ZNF765: variants seen among roughly 807,000 people sequenced by gnomAD.
ZNF765 encodes zinc finger protein 765.
Under a neutral mutation model 44.7 loss-of-function variants are expected in ZNF765, and 37 were observed. That is an observed-to-expected ratio of 0.83 (90% CI 0.64 to 1.09). ZNF765 has a LOEUF of 1.09. ZNF765 is among the 50% of genes least tolerant of loss of function. The pLI is 0.00. For missense variants in ZNF765, 594 were observed against 626.1 expected, an observed-to-expected ratio of 0.95 and a Z score of 0.55; for synonymous variants, 201 against 213.7, an observed-to-expected ratio of 0.94 and a Z score of 0.52.
At chr19:53,413,087 G>A (rs2085845572), downstream of ZNF765, 6 of 369,530 alleles carry the variant, frequency 1.6e-5, no homozygotes, top group South Asian at 1.4e-4. Flanking sequence ...TCCAGCCTGC[G>A]CAACAAGAGC....
At chr19:53,399,660 A>G (rs2085703808) in intron 2 of ZNF765, among the ~76,000 whole-genome samples, 2 of 151,398 alleles carry the variant, frequency 1.3e-5, no homozygotes, top group Non-Finnish European at 2.9e-5. Flanking sequence ...CAGCCTGGGC[A>G]CAGATCAAGA....
At position 53,409,968 on chromosome 19, in the gene ZNF765, A is replaced by T. The variant is rs1013685780; in HGVS notation, c.*841A>T. On this transcript the variant is annotated 3_prime_UTR_variant, in exon 4 of 4. Coordinates refer to ENST00000396408, the MANE Select transcript of ZNF765 (RefSeq NM_001040185.3). ...AGTAATGCTACAACTATTGCAAATC[A>T]TTGGAGAATCCATAATGAAGAGAGA... 6 of 559,274 alleles carry T rather than the reference A, an allele frequency of 1.1e-5. No individual in the cohort carries two copies. The African/African-American group carries it at 1.1e-4, about 11-fold the overall frequency. The allele number at this position is 559,274 out of a possible 1,614,324, so 34.6% of individuals were successfully genotyped here. A position where few individuals can be genotyped will look rare whatever the true frequency, so the allele number is the denominator to read the frequency against.
chr19:53,404,790 T>C lies in ZNF765; in HGVS notation c.142+2599T>C, dbSNP rs144021038. ...CAAAGTTTTTAAAACACGTAATTGC[T>C]ATAGATGGCTTCAGGTATTGCAAGA... On this transcript the variant is annotated intron_variant, in intron 3 of 3. Coordinates refer to ENST00000396408, the MANE Select transcript of ZNF765 (RefSeq NM_001040185.3). Among the ~76,000 whole-genome samples the C allele has an allele frequency of 3.9e-5, 6 of 152,342 alleles. 1 individual carries two copies. Among genetic ancestry groups the C allele is most frequent in the African/African-American group, 1.4e-4 (6 of 41,582 alleles).
chr19:53,395,800 C>T (rs1407553080), intron 1 of ZNF765, among the ~76,000 whole-genome samples: 1 of 152,282 alleles, frequency 6.6e-6, no homozygotes, highest in South Asian at 2.1e-4. Flanking sequence ...AAATGCGCTC[C>T]CCCGGGATGC....
chr19:53,404,621 G>A (rs2085758260), intron 3 of ZNF765, among the ~76,000 whole-genome samples: 1 of 149,606 alleles, frequency 6.7e-6, no homozygotes, highest in South Asian at 2.1e-4. Flanking sequence ...CCTGGCTAAT[G>A]TGTGTGTGTG....
chr19:53,409,593 A>G lies in ZNF765; in HGVS notation c.*466A>G. The stretch of plus-strand genomic sequence containing the variant: ...ATCAAACCTTGAAAGACAAAGGAGA[A>G]TTCATACTGGAGAGAAACCATACAA... On this transcript the variant is annotated 3_prime_UTR_variant, in exon 4 of 4. Coordinates refer to ENST00000396408, the MANE Select transcript of ZNF765 (RefSeq NM_001040185.3). 6.9e-7 allele frequency: 1 copy of G among 1,456,692 alleles called. No homozygotes were observed. Among genetic ancestry groups the G allele is most frequent in the Non-Finnish European group, 9.6e-7 (1 of 1,042,272 alleles). The allele number at this position is 1,456,692 out of a possible 1,614,324, so 90.2% of individuals were successfully genotyped here. A position where few individuals can be genotyped will look rare whatever the true frequency, so the allele number is the denominator to read the frequency against.
intron 1 of ZNF765, among the ~76,000 whole-genome samples, 175 bp from the exon 2 acceptor site, chr19:53,397,766 TGG>T: frequency 6.6e-6 from 1 of 152,070 alleles, no homozygotes; most frequent in African/African-American, 2.4e-5. Flanking sequence ...AGCGTGTGTG[TGG>T]GCTTCTCCGG....
At chr19:53,403,538 T>A (rs1319576096) in intron 3 of ZNF765, among the ~76,000 whole-genome samples, 4 of 152,212 alleles carry the variant, frequency 2.6e-5, no homozygotes, top group Admixed American at 2.6e-4. Context: ...CGCAGCCGGC[T>A]CCGCCTTTCA....
At chr19:53,400,108 G>A (rs540233317) in intron 2 of ZNF765, among the ~76,000 whole-genome samples, 4 of 152,144 alleles carry the variant, frequency 2.6e-5, no homozygotes, top group Non-Finnish European at 4.4e-5. Flanking sequence ...CACCGCATCT[G>A]GCCCCCAGTA....
rs1400948051 is a variant in ZNF765, at chr19:53,407,765, T to A, written c.210T>A (p.His70Gln). ...STAQGNREVF[H>Q]AGTSQRHESH... is the part of the protein sequence containing the mutation. ...CACAAGGCAATAGAGAAGTGTTCCA[T>A]GCAGGGACATCTCAAAGACATGAAA... is the stretch of plus-strand genomic sequence containing the variant. Residue 70 changes from histidine to glutamine, a missense_variant, in exon 4 of 4, where the codon CAT (histidine) becomes CAA (glutamine). Physicochemically the swap from His to Gln is conservative, Grantham distance 24. This residue lies in a region of ZNF765 where 567 missense variants were observed against 572.6 expected (regional missense o/e 0.99). Transcript: ENST00000396408. 2.3e-5 allele frequency: 37 copies of A among 1,607,808 alleles called. No individual in the cohort carries two copies. The highest frequency in any genetic ancestry group is 3.1e-5 in the Non-Finnish European group (36 of 1,177,108).
Position 53,410,545 on chromosome 19 carries a change from A to G in ZNF765, c.*1418A>G, listed in dbSNP as rs1294358563. 1.4e-5 allele frequency: 6 copies of G among 420,038 alleles called. No individual in the cohort carries two copies. The highest frequency in any genetic ancestry group is 2.9e-5 in the Non-Finnish European group (6 of 209,328). The allele number at this position is 420,038 out of a possible 1,614,324, so 26.0% of individuals were successfully genotyped here. On this transcript the variant is annotated 3_prime_UTR_variant, in exon 4 of 4. Coordinates refer to ENST00000396408, the MANE Select transcript of ZNF765 (RefSeq NM_001040185.3). ...GTGACAGGTCTTTAGTGGGCAGTCA[A>G]CACTTGTTTACCATCAGGCAATCCA... is the stretch of plus-strand genomic sequence containing the variant.
chr19:53,418,261 C>T (rs1382820758), intron 3 of ZNF765, among the ~76,000 whole-genome samples: 3 of 152,066 alleles, frequency 2.0e-5, no homozygotes, highest in Admixed American at 6.6e-5. Context: ...ATTAGCCGGG[C>T]GTGGTGGCGG....
chr19:53,422,922 A>G (rs2085915663), intron 3 of ZNF765: 1 of 713,064 alleles, frequency 1.4e-6, no homozygotes, highest in East Asian at 2.7e-5. Flanking sequence ...GTTAAGGTCC[A>G]CAGATTTGAT....
chr19:53,410,781 C>G lies in ZNF765; in HGVS notation c.*1654C>G, dbSNP rs2085826547. ...ACAAATGTCATGATTGTGACAAGGT[C>G]TCAGTCAAGCTTCATTCTATGCAAA... On this transcript the variant is annotated 3_prime_UTR_variant, in exon 4 of 4. Transcript: ENST00000396408. 2.2e-6 allele frequency: 1 copy of G among 446,926 alleles called. No individual in the cohort carries two copies. Among genetic ancestry groups the G allele is most frequent in the Non-Finnish European group, 4.6e-6 (1 of 217,836 alleles). The allele number at this position is 446,926 out of a possible 1,614,324, so 27.7% of individuals were successfully genotyped here. A position where few individuals can be genotyped will look rare whatever the true frequency, so the allele number is the denominator to read the frequency against.
intron 3 of ZNF765, among the ~76,000 whole-genome samples, chr19:53,421,791 G>A (rs558525068): frequency 6.6e-6 from 1 of 152,310 alleles, no homozygotes; most frequent in South Asian, 2.1e-4. Flanking sequence ...TGGGATTACA[G>A]GCATGAGCCA....
chr19:53,407,701 T>C lies in ZNF765; in HGVS notation c.146T>C (p.Ile49Thr), dbSNP rs112979912. ...ENYRNLVSLD[I>T]SSKCMMKEFS... Reference sequence around the variant, plus strand: ...TTTTGGTGTGTATACTTTTTAGATATCTCTTCCAAATGCATGATGAAGGAG... The same window carrying C: ...TTTTGGTGTGTATACTTTTTAGATACCTCTTCCAAATGCATGATGAAGGAG... The change falls in exon 4 of 4, where the codon ATC becomes ACC. Residue 49 changes from isoleucine (I) to threonine (T), a missense_variant. Ile to Thr is a moderately conservative substitution (Grantham distance 89). Coordinates refer to ENST00000396408, the MANE Select transcript of ZNF765 (RefSeq NM_001040185.3). 189 of 1,543,022 alleles carry C rather than the reference T, an allele frequency of 1.2e-4. 1 individual carries two copies. The African/African-American group carries it at 2.3e-3, about 19-fold the overall frequency.
At chr19:53,404,127 G>A (rs1482413184) in intron 3 of ZNF765, among the ~76,000 whole-genome samples, 2 of 152,160 alleles carry the variant, frequency 1.3e-5, no homozygotes, top group African/African-American at 4.8e-5. Flanking sequence ...GCCCATGCTG[G>A]AGTGCAATGG....
intron 2 of ZNF765, among the ~76,000 whole-genome samples, chr19:53,398,522 C>A (rs912675971): frequency 1.2e-4 from 18 of 152,254 alleles, no homozygotes; most frequent in Non-Finnish European, 1.0e-4. Context: ...CTGACTCCAA[C>A]TATCTTACTA....
At chr19:53,414,260 T>G (rs1192747212), downstream of ZNF765, among the ~76,000 whole-genome samples, 1 of 64,636 alleles carries the variant, frequency 1.5e-5, no homozygotes, top group Non-Finnish European at 3.7e-5. Context: ...AAAAAGAAAC[T>G]TGCAGCAAAC....
Sources: gnomAD v4.1 joint callset for allele counts (sites outside exome capture counted in the v4.1 genomes callset) on GRCh38, gnomAD v4.1.1 for gene constraint, gnomAD v4.1.1 regional missense constraint, MANE v1.5 for transcripts, NCBI Gene and HGNC (gene_info 2026-07-23, HGNC 2026-07-21) for gene names.